Variants in ZNF521 observed in about 807,000 individuals in gnomAD.
ZNF521 encodes LYST-interacting protein 3.
In ZNF521, 14 loss-of-function variants were observed where a neutral mutation model predicts 105.5. The observed-to-expected ratio is 0.13, with a 90% CI of 0.09 to 0.21. The LOEUF (loss-of-function observed/expected upper bound fraction) is 0.21. Among genes scored for constraint, ZNF521 ranks in the 10% least tolerant of loss-of-function variants. ZNF521 has a pLI of 1.00. For synonymous variants in ZNF521, 635 were observed against 606.0 expected, an observed-to-expected ratio of 1.05 and a Z score of -0.70; for missense variants, 1,233 against 1,629.7, an observed-to-expected ratio of 0.76 and a Z score of 4.19.
In ZNF521 at chr18:25,226,048, C is replaced by T; in HGVS notation, c.1870G>A (p.Gly624Arg). 1 of 1,614,144 alleles carries T rather than the reference C, an allele frequency of 6.2e-7. No homozygotes were observed. The highest frequency in any genetic ancestry group is 8.5e-7 in the Non-Finnish European group (1 of 1,179,996). ...QTSLKMMQAV[G>R]GAPARPTGEY... is the part of the protein sequence containing the mutation. ...CCAGTGGGACGTGCAGGTGCACCTC[C>T]TACTGCCTGCATCATCTTAAGAGAT... Residue 624 changes from glycine to arginine, a missense_variant, in exon 4 of 8, where the codon GGA becomes AGA. Physicochemically the swap from Gly to Arg is moderately radical, Grantham distance 125. Around this residue, in one of 6 missense-constraint regions of ZNF521, gnomAD observed 614 missense variants for 751.5 expected, o/e 0.82. Transcript: ENST00000361524. This position sits in a 1 kb window ranked among gnomAD's most constrained non-coding sequence, Gnocchi z 4.1.
chr18:25,256,728 A>G (rs1908535554), intron 3 of ZNF521, among the ~76,000 whole-genome samples: 1 of 152,052 alleles, frequency 6.6e-6, no homozygotes, highest in Non-Finnish European at 1.5e-5. Context: ...GGGGCAATCT[A>G]AGGAAGAAAG....
chr18:25,322,082 C>G lies in ZNF521; in HGVS notation c.146G>C (p.Cys49Ser), dbSNP rs751533682. 1.2e-6 allele frequency: 2 copies of G among 1,614,094 alleles called. No homozygotes were observed. The highest frequency in any genetic ancestry group is 4.5e-5 in the East Asian group (2 of 44,890). Reference sequence around the variant, plus strand: ...TTCAAACACCTGGAGGCAGCTGTCACAGCTGTGCACAGCTTCGTCTTCCAA... The same window carrying G: ...TTCAAACACCTGGAGGCAGCTGTCAGAGCTGTGCACAGCTTCGTCTTCCAA... ...EELEDEAVHS[C>S]DSCLQVFESL... Residue 49 changes from cysteine (C) to serine (S), a missense_variant, in exon 3 of 8, where the codon TGT becomes TCT. This residue lies in a region of ZNF521 where 76 missense variants were observed against 79.3 expected (regional missense o/e 0.96). Transcript: ENST00000361524.
At chr18:25,081,758 C>T (rs1280491737) in intron 7 of ZNF521, among the ~76,000 whole-genome samples, 1 of 152,168 alleles carries the variant, frequency 6.6e-6, no homozygotes, top group Non-Finnish European at 1.5e-5. Flanking sequence ...AACTATCTTA[C>T]CTTTAGACGC....
intron 7 of ZNF521, among the ~76,000 whole-genome samples, chr18:25,078,744 AATAT>A (rs1219534614): frequency 1.3e-5 from 2 of 152,216 alleles, no homozygotes; most frequent in Non-Finnish European, 2.9e-5. Context: ...GTATGGCAAG[AATAT>A]ATACTATGAA....
chr18:25,199,151 T>C (rs1021381232), intron 4 of ZNF521, among the ~76,000 whole-genome samples: 18 of 151,776 alleles, frequency 1.2e-4, no homozygotes, highest in African/African-American at 1.7e-4. Flanking sequence ...CAAATATTAC[T>C]ATGAGAAAAA....
At chr18:25,181,263 C>T (rs1051407012) in intron 5 of ZNF521, among the ~76,000 whole-genome samples, 14 of 152,160 alleles carry the variant, frequency 9.2e-5, no homozygotes, top group East Asian at 3.8e-4. Context: ...TTTTCTAGTC[C>T]TCCCAGGAGC....
chr18:25,086,073 A>G (rs1360091692), intron 7 of ZNF521, among the ~76,000 whole-genome samples: 1 of 152,112 alleles, frequency 6.6e-6, no homozygotes, highest in East Asian at 1.9e-4. Context: ...TGGCATAAAA[A>G]AGTAGATGAG....
chr18:25,319,595 CAAA>C (rs67059898), intron 3 of ZNF521, among the ~76,000 whole-genome samples: 4 of 114,486 alleles, frequency 3.5e-5, no homozygotes, highest in African/African-American at 7.3e-5. Flanking sequence ...GACTCCATCA[CAAA>C]AAAAAAAAAA....
At chr18:25,085,265 A>G (rs2033595413) in intron 7 of ZNF521, among the ~76,000 whole-genome samples, 1 of 150,294 alleles carries the variant, frequency 6.7e-6, no homozygotes, top group African/African-American at 2.4e-5. Context: ...ATAATTTTAT[A>G]TTATACACAT....
intron 3 of ZNF521, among the ~76,000 whole-genome samples, chr18:25,263,638 C>T (rs1317549168): frequency 1.3e-5 from 2 of 152,182 alleles, no homozygotes; most frequent in Non-Finnish European, 2.9e-5. Context: ...CACAATGATG[C>T]AATCTTGGCT....
intron 5 of ZNF521, among the ~76,000 whole-genome samples, chr18:25,133,849 T>C (rs773491642): frequency 6.6e-6 from 1 of 152,124 alleles, no homozygotes; most frequent in Non-Finnish European, 1.5e-5. Flanking sequence ...ATGGGTATAA[T>C]GTGTAGACTT....
chr18:25,216,591 C>T (rs890390584), intron 4 of ZNF521, among the ~76,000 whole-genome samples: 1 of 152,188 alleles, frequency 6.6e-6, no homozygotes, highest in Non-Finnish European at 1.5e-5. Flanking sequence ...CAGGGTCTCA[C>T]TCTGTTGCCC....
At chr18:25,303,256 A>G (rs1304487257) in intron 3 of ZNF521, among the ~76,000 whole-genome samples, 1 of 144,972 alleles carries the variant, frequency 6.9e-6, no homozygotes, top group Admixed American at 6.8e-5. Flanking sequence ...AAAAAAAGAA[A>G]CTCTTTCTTT....
chr18:25,109,446 T>C (rs1446981631), intron 5 of ZNF521, among the ~76,000 whole-genome samples: 1 of 152,218 alleles, frequency 6.6e-6, no homozygotes, highest in Admixed American at 6.5e-5. Context: ...ATATGATTTC[T>C]TCTCCTTTGG....
chr18:25,275,217 C>G (rs1057158470), intron 3 of ZNF521, among the ~76,000 whole-genome samples: 1 of 152,152 alleles, frequency 6.6e-6, no homozygotes, highest in African/African-American at 2.4e-5. Context: ...TTGAATAAAC[C>G]TTTCTATCTC....
intron 5 of ZNF521, among the ~76,000 whole-genome samples, chr18:25,146,644 C>T (rs1056318478): frequency 1.1e-4 from 16 of 152,138 alleles, no homozygotes; most frequent in Middle Eastern, 3.2e-3. Flanking sequence ...CCTGGTTAAT[C>T]GTAACTATTT....
At chr18:25,342,490 G>A (rs1386079567) in intron 2 of ZNF521, among the ~76,000 whole-genome samples, 4 of 148,846 alleles carry the variant, frequency 2.7e-5, no homozygotes, top group Non-Finnish European at 6.0e-5. Flanking sequence ...GTGCAGTGGA[G>A]CCATCTTGGC....
intron 5 of ZNF521, among the ~76,000 whole-genome samples, chr18:25,175,237 C>T (rs192935633): frequency 2.0e-5 from 3 of 152,250 alleles, no homozygotes; most frequent in East Asian, 1.9e-4. Context: ...CTACCTCCGA[C>T]GTATAAGTGG....
rs953633907 is a variant in ZNF521 at position 25,225,206 on chromosome 18, G to A, written c.2712C>T (p.His904=). The change falls in exon 4 of 8, where the codon CAC becomes CAT. Residue 904 remains histidine, a synonymous_variant. Coordinates refer to ENST00000361524, the MANE Select transcript of ZNF521 (RefSeq NM_015461.3). The surrounding 1 kb of genome is among the most constrained non-coding windows in gnomAD (Gnocchi z 5.6). ...GTCTGATGTTGTGGTCTCGGAGCTG[G>A]TGATTCTGCAGCAAAGTTTCCATAG... is the stretch of plus-strand genomic sequence containing the variant. ...AYTMETLLQN[H]QLRDHNIRPG... is the part of the protein sequence containing the mutation. 1.9e-6 allele frequency: 3 copies of A among 1,614,118 alleles called. No individual in the cohort carries two copies. The highest frequency in any genetic ancestry group is 2.5e-6 in the Non-Finnish European group (3 of 1,180,022).
Sources: allele counts gnomAD v4.1 joint callset (sites outside exome capture counted in the v4.1 genomes callset), GRCh38; gene constraint gnomAD v4.1.1; regional missense constraint gnomAD v4.1.1; non-coding constraint Gnocchi (gnomAD v3.1); transcripts MANE v1.5; gene names NCBI Gene and HGNC (gene_info 2026-07-23, HGNC 2026-07-21).